CLRN1: variants seen among roughly 807,000 people sequenced by gnomAD.
CLRN1 encodes the protein clarin-1.
A neutral mutation model predicts 18.7 loss-of-function variants in CLRN1; 15 were observed. That is an observed-to-expected ratio of 0.80 (90% confidence interval 0.54 to 1.23). The LOEUF (loss-of-function observed/expected upper bound fraction) is 1.23. Among genes scored for constraint, CLRN1 ranks in the 50% most tolerant of loss-of-function variants. CLRN1 has a pLI of 0.00. For missense variants in CLRN1, 311 were observed against 277.5 expected (o/e 1.12, Z -0.86); for synonymous variants, 104 against 102.9 (o/e 1.01, Z -0.07).
chr3:150,959,646 A>G (rs1371518536), intron 1 of CLRN1, among the ~76,000 whole-genome samples: 3 of 149,336 alleles, frequency 2.0e-5, no homozygotes, highest in Non-Finnish European at 3.0e-5. Flanking sequence ...AAAAAAAAAA[A>G]GGTTACTGGA....
chr3:150,953,657 A>T (rs923122675), intron 1 of CLRN1, among the ~76,000 whole-genome samples: 21 of 152,076 alleles, frequency 1.4e-4, no homozygotes, highest in Non-Finnish European at 1.9e-4. Flanking sequence ...AGCTGGGATT[A>T]CAAGCACGCA....
At chr3:150,960,923 C>A (rs1714994065) in intron 1 of CLRN1, among the ~76,000 whole-genome samples, 1 of 152,250 alleles carries the variant, frequency 6.6e-6, no homozygotes, top group Admixed American at 6.5e-5. Flanking sequence ...TTCTTTAACC[C>A]AACCAGTTGG....
rs573812735 is a variant in CLRN1, at chr3:150,927,316, G to T, written c.*620C>A. The T allele has an allele frequency of 4.8e-5, 19 of 392,472 alleles. No homozygotes were observed. In the East Asian group the frequency reaches 1.4e-3, roughly 28 times the overall value. 24.3% of individuals were successfully genotyped at this position (392,472 alleles called of 1,614,324 possible). A position where few individuals can be genotyped will look rare whatever the true frequency, so the allele number is the denominator to read the frequency against. On this transcript the variant is annotated 3_prime_UTR_variant, in exon 3 of 3. Coordinates refer to ENST00000327047, the MANE Select transcript of CLRN1 (RefSeq NM_174878.3). The stretch of plus-strand genomic sequence containing the variant: ...ATTTTTTAATTTTGTTAGTGACAGG[G>T]TCTCACTTTATTGCCCAGGCTGTAA...
At chr3:150,969,313 A>ATTTTTTTT (rs1196979915) in intron 1 of CLRN1, among the ~76,000 whole-genome samples, 4 of 43,548 alleles carry the variant, frequency 9.2e-5, no homozygotes, top group Non-Finnish European at 1.5e-4. Context: ...ATATATATAT[A>ATTTTTTTT]TTTTTTTTTT....
At chr3:150,941,125 T>C (rs1713796594) in intron 2 of CLRN1, among the ~76,000 whole-genome samples, 2 of 137,644 alleles carry the variant, frequency 1.5e-5, no homozygotes, top group African/African-American at 5.8e-5. Flanking sequence ...GAGTCTGTAT[T>C]GTCTGTCTGT....
intron 1 of CLRN1, among the ~76,000 whole-genome samples, chr3:150,951,491 C>T (rs868336489): frequency 1.3e-5 from 2 of 152,106 alleles, no homozygotes; most frequent in African/African-American, 2.4e-5. Context: ...GCACCCGCCA[C>T]CATGCCTGGC....
intron 1 of CLRN1, chr3:150,943,735 A>T: frequency 6.2e-7 from 1 of 1,607,336 alleles, no homozygotes; most frequent in Non-Finnish European, 8.5e-7. Context: ...CACTGAGCTG[A>T]CAACACACTG....
chr3:150,968,504 C>T (rs1489603912), intron 1 of CLRN1, among the ~76,000 whole-genome samples: 3 of 152,114 alleles, frequency 2.0e-5, no homozygotes, highest in African/African-American at 7.2e-5. Flanking sequence ...AGAAGTTTTC[C>T]CAGCGTAACT....
chr3:150,952,584 C>CAGTT (rs1714548464), intron 1 of CLRN1, among the ~76,000 whole-genome samples: 1 of 152,166 alleles, frequency 6.6e-6, no homozygotes, highest in African/African-American at 2.4e-5. Context: ...CCTTCTGGAG[C>CAGTT]CTCCCTTACA....
chr3:150,931,341 C>G (rs913524094), intron 2 of CLRN1, among the ~76,000 whole-genome samples: 14 of 152,204 alleles, frequency 9.2e-5, no homozygotes, highest in Non-Finnish European at 1.9e-4. Context: ...GCAAGAGGGG[C>G]TCCTGCTTTG....
rs116956284 is a variant in CLRN1, at chr3:150,948,774, G to A, written c.254-7013C>T. Among the ~76,000 whole-genome samples, 235 of 152,102 alleles carry A rather than the reference G, an allele frequency of 1.5e-3. 3 individuals are homozygous for A. In the East Asian group the frequency reaches 0.036, roughly 24 times the overall value. ...ATGGCTTCACAGCCAAACTCTACCAGATGTATAAAGAAGAGCTGGTACCAT... is the reference window on the plus strand; with the variant it reads ...ATGGCTTCACAGCCAAACTCTACCAAATGTATAAAGAAGAGCTGGTACCAT... On this transcript the variant is annotated intron_variant, in intron 1 of 2. Transcript: ENST00000327047.
At chr3:150,941,178 C>CATATAT (rs57988194) in intron 2 of CLRN1, among the ~76,000 whole-genome samples, 63,550 of 132,426 alleles carry the variant, frequency 0.48, 14,943 homozygotes, top group East Asian at 0.58. Flanking sequence ...CTATCTCTTT[C>CATATAT]ATATATATAT....
chr3:150,940,472 A>G (rs537131950), intron 2 of CLRN1: 17 of 1,534,914 alleles, frequency 1.1e-5, no homozygotes, highest in Non-Finnish European at 1.5e-5. Flanking sequence ...GTCAAGAGCA[A>G]GAAAGTACCT....
Position 150,957,238 on chromosome 3 carries a change from TACACACACAC to T in CLRN1, c.253+15208_253+15217del, listed in dbSNP as rs34726423. ...TTATACTCAAGGTCTTCCCATTTTATACACACACACACACACACACACACACACACACACC... is the reference window on the plus strand; with the variant it reads ...TTATACTCAAGGTCTTCCCATTTTATACACACACACACACACACACACACC... On this transcript the variant is annotated intron_variant, in intron 1 of 2. Transcript: ENST00000327047. 8.8e-3 allele frequency among the ~76,000 whole-genome samples: 1,290 copies of T among 147,050 alleles called. 17 individuals are homozygous for T. Among genetic ancestry groups the T allele is most frequent in the African/African-American group, 0.03 (1,203 of 40,228 alleles).
At chr3:150,968,972 C>T (rs1715394932) in intron 1 of CLRN1, among the ~76,000 whole-genome samples, 1 of 151,942 alleles carries the variant, frequency 6.6e-6, no homozygotes, top group Non-Finnish European at 1.5e-5. Flanking sequence ...TTTCTTCTGC[C>T]TTCTCTTTTC....
chr3:150,940,580 G>A lies in CLRN1; in HGVS notation c.433+1002C>T, dbSNP rs1341520121. On this transcript the variant is annotated intron_variant, in intron 2 of 2. Transcript: ENST00000327047. ...TCATTACATTGTTTGCTTTGTGTGA[G>A]TTGTTATCGTTCTGTATCCCTCCAT... The A allele has an allele frequency of 3.4e-6, 5 of 1,469,120 alleles. No individual in the cohort carries two copies. The East Asian group carries it at 7.4e-5, about 22-fold the overall frequency. 91.0% of individuals were successfully genotyped at this position (1,469,120 alleles called of 1,614,324 possible).
chr3:150,940,849 A>G (rs1176565758), intron 2 of CLRN1, among the ~76,000 whole-genome samples: 1 of 152,160 alleles, frequency 6.6e-6, no homozygotes, highest in East Asian at 1.9e-4. Context: ...ATGTTTATTG[A>G]TGAACTAATT....
In CLRN1 at chr3:150,972,491, T is replaced by C. The variant is rs201008540; in HGVS notation, c.218A>G (p.Gln73Arg). 440 of 1,614,192 alleles carry C rather than the reference T, an allele frequency of 2.7e-4. No individual in the cohort carries two copies. The highest frequency in any genetic ancestry group is 3.5e-4 in the Non-Finnish European group (409 of 1,180,046). ...YGLFHGEGVR[Q>R]CGLGARPFRF... is the part of the protein sequence containing the mutation. ...AAAGGGCCTTGCTCCCAACCCACAC[T>C]GCCTCACACCCTCTCCGTGGAAAAG... The change falls in exon 1 of 3, where the codon CAG becomes CGG. Residue 73 changes from glutamine (Q) to arginine (R), a missense_variant. Physicochemically the swap from Gln to Arg is conservative, Grantham distance 43. Coordinates refer to ENST00000327047, the MANE Select transcript of CLRN1 (RefSeq NM_174878.3).
At chr3:150,933,504 G>C (rs1479482350) in intron 2 of CLRN1, among the ~76,000 whole-genome samples, 1 of 152,136 alleles carries the variant, frequency 6.6e-6, no homozygotes, top group Non-Finnish European at 1.5e-5. Context: ...AAGGAAGAGT[G>C]AATGCAAAGG....
Sources: allele counts gnomAD v4.1 joint callset (sites outside exome capture counted in the v4.1 genomes callset), GRCh38; gene constraint gnomAD v4.1.1; transcripts MANE v1.5; gene names NCBI Gene and HGNC (gene_info 2026-07-23, HGNC 2026-07-21).